GUCY1B1: variants seen among roughly 807,000 people sequenced by gnomAD.
GUCY1B1 encodes the protein guanylate cyclase soluble subunit beta-1.
In GUCY1B1, 43 loss-of-function variants were observed where a neutral mutation model predicts 71.0. That is an observed-to-expected ratio of 0.61 (90% confidence interval 0.47 to 0.78). GUCY1B1 has a LOEUF of 0.78. Among genes scored for constraint, GUCY1B1 ranks in the 30% least tolerant of loss-of-function variants. The pLI is 0.00. For synonymous variants in GUCY1B1, 266 were observed against 259.7 expected (o/e 1.02, Z -0.23); for missense variants, 535 against 754.1 (o/e 0.71, Z 3.40).
Position 155,793,500 on chromosome 4 carries a change from T to C in GUCY1B1, c.496-356T>C, listed in dbSNP as rs528819670. Among the ~76,000 whole-genome samples the C allele has an allele frequency of 1.7e-3, 257 of 152,370 alleles. 1 individual carries two copies. Among genetic ancestry groups the C allele is most frequent in the African/African-American group, 5.4e-3 (226 of 41,598 alleles). On this transcript the variant is annotated intron_variant, in intron 5 of 13. Coordinates refer to ENST00000264424, the MANE Select transcript of GUCY1B1 (RefSeq NM_000857.5). ...AAAATAGTATTGTAATCTTATTTGA[T>C]AGTGCTAGCTTGCTTTTAGCTGGCT...
At chr4:155,786,467 T>TTTC (rs1738786335) in intron 4 of GUCY1B1, among the ~76,000 whole-genome samples, 1 of 105,976 alleles carries the variant, frequency 9.4e-6, no homozygotes, top group African/African-American at 3.7e-5. Flanking sequence ...CTTTCTTTTT[T>TTTC]TTTTTTTTTT....
intron 13 of GUCY1B1, 129 bp downstream of exon 13, chr4:155,805,358 A>G (rs548484559): frequency 4.4e-5 from 34 of 765,874 alleles, no homozygotes; most frequent in Non-Finnish European, 7.0e-5. Context: ...TTCTAAGTAA[A>G]GCAGTGGAAA....
At chr4:155,759,724 C>T (rs1560995019) in intron 1 of GUCY1B1, 63 bp from the exon 2 acceptor site, 8 of 1,232,104 alleles carry the variant, frequency 6.5e-6, no homozygotes, top group Non-Finnish European at 4.8e-6. Context: ...AGCAGCCTCG[C>T]CCCCAAGCCG....
intron 4 of GUCY1B1, among the ~76,000 whole-genome samples, chr4:155,787,593 A>T (rs963604198): frequency 6.6e-6 from 1 of 152,192 alleles, no homozygotes; most frequent in Non-Finnish European, 1.5e-5. Context: ...TTTGTGATAT[A>T]AACCATGAGC....
chr4:155,795,379 G>T lies in GUCY1B1; in HGVS notation c.765G>T (p.Ser255=), dbSNP rs193112561. 413 of 1,609,892 alleles carry T rather than the reference G, an allele frequency of 2.6e-4. 1 individual carries two copies. In the East Asian group the frequency reaches 7.5e-3, roughly 29 times the overall value. The change falls in exon 7 of 14, where the codon TCG becomes TCT. Residue 255 remains serine (S), a synonymous_variant. Coordinates refer to ENST00000264424, the MANE Select transcript of GUCY1B1 (RefSeq NM_000857.5). ...PGNCSLLSVF[S]LVRPHIDISF... is the part of the protein sequence containing the mutation. Reference sequence around the variant, plus strand: ...ATTGCAGCCTTCTGTCTGTCTTCTCGCTGGTTCGTCCTCATATTGATATTA... The same window carrying T: ...ATTGCAGCCTTCTGTCTGTCTTCTCTCTGGTTCGTCCTCATATTGATATTA...
chr4:155,803,842 A>G, intron 11 of GUCY1B1, 78 bp downstream of exon 11: 1 of 955,800 alleles, frequency 1.0e-6, no homozygotes, highest in Non-Finnish European at 1.5e-6. Context: ...TGTCCGGAAA[A>G]TCATTAACGT....
intron 5 of GUCY1B1, among the ~76,000 whole-genome samples, chr4:155,791,780 A>AAC (rs1554012223): frequency 7.0e-5 from 2 of 28,684 alleles, no homozygotes; most frequent in Non-Finnish European, 1.9e-4. Flanking sequence ...AACGAAAAAC[A>AAC]AAAAAAAACA....
rs1740395159 is a variant in GUCY1B1, at chr4:155,807,475, TTTTGTGTAAAAATGTTTGCCTTTAAA to T, written c.*1070_*1095del. ...TCTTTATAAAATAGAGTGCAACTAC[TTTTGTGTAAAAATGTTTGCCTTTAAA>T]TTTAGTATTTCATATCAGCACATCG... is the stretch of plus-strand genomic sequence containing the variant. On this transcript the variant is annotated 3_prime_UTR_variant, in exon 14 of 14. Transcript: ENST00000264424. The T allele has an allele frequency of 6.6e-6, 1 of 152,178 alleles. No individual in the cohort carries two copies. The highest frequency in any genetic ancestry group is 2.4e-5 in the African/African-American group (1 of 41,462). The allele number at this position is 152,178 out of a possible 1,614,324, so 9.4% of individuals were successfully genotyped here.
rs1158250126 is a variant in GUCY1B1, at chr4:155,772,724, AAG to A, written c.78-2238_78-2237del. 5.7e-6 allele frequency: 4 copies of A among 702,508 alleles called. No homozygotes were observed. In the Admixed American group the frequency reaches 6.0e-5, roughly 11 times the overall value. 43.5% of individuals were successfully genotyped at this position (702,508 alleles called of 1,614,324 possible). On this transcript the variant is annotated intron_variant, in intron 2 of 13. Coordinates refer to ENST00000264424, the MANE Select transcript of GUCY1B1 (RefSeq NM_000857.5). ...CATGAGCCAACCTGCCCAGCCAGAA[AAG>A]AGAGATTTTAATGCTTATGTGCTTT...
chr4:155,764,478 G>C (rs1737200311), intron 2 of GUCY1B1, among the ~76,000 whole-genome samples: 1 of 152,160 alleles, frequency 6.6e-6, no homozygotes, highest in African/African-American at 2.4e-5. Flanking sequence ...TTCAGCCCTT[G>C]TTCTTCTGTT....
chr4:155,799,496 T>C lies in GUCY1B1; in HGVS notation c.978-381T>C, dbSNP rs575103694. ...TTTCTCAAAAGAAGCATTATTATTC[T>C]TGAGAGAGAGAATAAAGATAGATTT... On this transcript the variant is annotated intron_variant, in intron 8 of 13. Transcript: ENST00000264424. Among the ~76,000 whole-genome samples the C allele has an allele frequency of 1.0e-4, 15 of 149,056 alleles. No individual in the cohort carries two copies. In the East Asian group the frequency reaches 3.0e-3, roughly 29 times the overall value.
chr4:155,782,980 C>T (rs1738538757), intron 4 of GUCY1B1, among the ~76,000 whole-genome samples: 2 of 152,192 alleles, frequency 1.3e-5, no homozygotes, highest in South Asian at 4.1e-4. Flanking sequence ...AATTTCAGCC[C>T]AGTTTCCATC....
chr4:155,771,063 G>A (rs1579198899), intron 2 of GUCY1B1, among the ~76,000 whole-genome samples: 1 of 151,938 alleles, frequency 6.6e-6, no homozygotes. Context: ...GGACATAATA[G>A]GCATCCAAAT....
chr4:155,805,337 CA>C, intron 13 of GUCY1B1, 108 bp downstream of exon 13: 1 of 903,272 alleles, frequency 1.1e-6, no homozygotes, highest in African/African-American at 1.7e-5. Context: ...TTCTTGCTAA[CA>C]GAAATTAACT....
intron 13 of GUCY1B1, 99 bp from the exon 14 acceptor site, chr4:155,806,287 C>A: frequency 1.4e-6 from 1 of 722,618 alleles, no homozygotes; most frequent in Non-Finnish European, 2.4e-6. Context: ...TAGATGTGAA[C>A]GTGGATCACA....
chr4:155,795,493 G>T (rs368796331), intron 7 of GUCY1B1, 36 bp downstream of exon 7: 5 of 1,005,602 alleles, frequency 5.0e-6, no homozygotes, highest in Non-Finnish European at 4.7e-6. Flanking sequence ...TGTGAGAAAG[G>T]TATGTCACAA....
intron 2 of GUCY1B1, among the ~76,000 whole-genome samples, chr4:155,761,687 G>A (rs913944271): frequency 2.6e-5 from 4 of 152,054 alleles, no homozygotes; most frequent in Admixed American, 6.5e-5. Context: ...TTCAATTGAC[G>A]AGAATTTAAC....
At chr4:155,772,842 A>T in intron 2 of GUCY1B1, 2 of 698,658 alleles carry the variant, frequency 2.9e-6, no homozygotes, top group Non-Finnish European at 2.6e-6. Context: ...TTAAAAAAAA[A>T]GTTATGAATA....
intron 2 of GUCY1B1, among the ~76,000 whole-genome samples, chr4:155,768,807 G>T (rs1029800158): frequency 6.6e-6 from 1 of 152,134 alleles, no homozygotes; most frequent in African/African-American, 2.4e-5. Context: ...CAGTTACTGT[G>T]GCTACAGATA....
Sources: gnomAD v4.1 joint callset for allele counts (sites outside exome capture counted in the v4.1 genomes callset) on GRCh38, gnomAD v4.1.1 for gene constraint, MANE v1.5 for transcripts, NCBI Gene and HGNC (gene_info 2026-07-23, HGNC 2026-07-21) for gene names.